Variants in CPA6 observed in about 807,000 individuals in gnomAD.
CPA6 encodes the protein carboxypeptidase B.
Under a neutral mutation model 63.3 loss-of-function variants are expected in CPA6, and 58 were observed. The ratio of observed to expected loss-of-function variants is 0.92; its 90% confidence interval spans 0.74 to 1.14. The LOEUF (loss-of-function observed/expected upper bound fraction) is 1.14, where lower values mean the gene tolerates loss of function less well. Ranked by LOEUF, CPA6 falls within the 50% of genes most tolerant of loss-of-function variation. The pLI, the probability that CPA6 is intolerant of heterozygous loss-of-function variation, is 0.00. For missense variants in CPA6, 565 were observed against 526.6 expected (o/e 1.07, Z -0.71); for synonymous variants, 185 against 179.0 (o/e 1.03, Z -0.27).
At chr8:67,429,410 A>G (rs1422073015) in intron 9 of CPA6, among the ~76,000 whole-genome samples, 4 of 152,196 alleles carry the variant, frequency 2.6e-5, no homozygotes, top group Admixed American at 6.5e-5. Context: ...CTTATGAATA[A>G]TTTAATACTT....
At chr8:67,613,882 CAG>C (rs750695791) in intron 2 of CPA6, among the ~76,000 whole-genome samples, 32 of 149,964 alleles carry the variant, frequency 2.1e-4, no homozygotes, top group African/African-American at 3.2e-4. Context: ...AATGATGCGG[CAG>C]AGAGAGAGAG....
At position 67,546,169 on chromosome 8, in the gene CPA6, G is replaced by A. The variant is rs561144130; in HGVS notation, c.193-28122C>T. ...AGGCTTATACAATGTGGGGTCTAAT[G>A]TAAGAAAAAGAGTACACAATTATGA... is the stretch of plus-strand genomic sequence containing the variant. On this transcript the variant is annotated intron_variant, in intron 2 of 10. Transcript: ENST00000297770. Among the ~76,000 whole-genome samples the A allele has an allele frequency of 1.1e-4, 17 of 152,252 alleles. No individual in the cohort carries two copies. In the South Asian group the frequency reaches 2.9e-3, roughly 26 times the overall value.
intron 1 of CPA6, among the ~76,000 whole-genome samples, chr8:67,644,256 C>T (rs1402262772): frequency 1.3e-5 from 2 of 152,074 alleles, no homozygotes; most frequent in African/African-American, 4.8e-5. Context: ...GCAGCTGGGA[C>T]TACAGGCGCC....
At chr8:67,643,459 G>A (rs1815640489) in intron 1 of CPA6, among the ~76,000 whole-genome samples, 1 of 152,078 alleles carries the variant, frequency 6.6e-6, no homozygotes, top group Non-Finnish European at 1.5e-5. Context: ...ATTAAAACAA[G>A]TCACAGAAGA....
At chr8:67,719,450 G>A (rs1470032006) in intron 1 of CPA6, among the ~76,000 whole-genome samples, 4 of 152,094 alleles carry the variant, frequency 2.6e-5, no homozygotes, top group African/African-American at 4.8e-5. Flanking sequence ...AAAATTAAAG[G>A]GGAAAGGCAA....
intron 2 of CPA6, among the ~76,000 whole-genome samples, chr8:67,585,161 G>C (rs766700176): frequency 2.0e-5 from 3 of 151,946 alleles, no homozygotes; most frequent in Non-Finnish European, 2.9e-5. Flanking sequence ...AAGTAGTCTC[G>C]TTTGAAGCTT....
At chr8:67,552,579 C>G (rs1395431588) in intron 2 of CPA6, among the ~76,000 whole-genome samples, 8 of 151,736 alleles carry the variant, frequency 5.3e-5, no homozygotes, top group Non-Finnish European at 1.2e-4. Flanking sequence ...CAAGACCATC[C>G]TGGCTAACAC....
intron 2 of CPA6, among the ~76,000 whole-genome samples, chr8:67,567,375 G>A (rs546630301): frequency 6.6e-6 from 1 of 152,316 alleles, no homozygotes; most frequent in Non-Finnish European, 1.5e-5. Context: ...TTTGTATTGA[G>A]CTACATAATG....
intron 2 of CPA6, among the ~76,000 whole-genome samples, chr8:67,559,451 C>T (rs117301340): frequency 0.011 from 1,701 of 152,250 alleles, 16 homozygotes; most frequent in Non-Finnish European, 0.018. Context: ...GCCTGCCACA[C>T]ACCCCTGCAC....
At chr8:67,632,665 T>C (rs1162953178) in intron 1 of CPA6, among the ~76,000 whole-genome samples, 1 of 152,174 alleles carries the variant, frequency 6.6e-6, no homozygotes, top group Non-Finnish European at 1.5e-5. Flanking sequence ...TAGTTGACAA[T>C]TGAGTTTTTA....
intron 1 of CPA6, among the ~76,000 whole-genome samples, chr8:67,638,192 C>A (rs1815513383): frequency 2.6e-5 from 4 of 151,290 alleles, no homozygotes; most frequent in Non-Finnish European, 4.4e-5. Context: ...GGTGGGAATT[C>A]AGACCACAGA....
intron 1 of CPA6, among the ~76,000 whole-genome samples, chr8:67,703,992 A>T (rs1307954899): frequency 6.6e-6 from 1 of 151,972 alleles, no homozygotes; most frequent in African/African-American, 2.4e-5. Flanking sequence ...GAGGAAGGGA[A>T]ATTCTTTCCT....
intron 1 of CPA6, among the ~76,000 whole-genome samples, chr8:67,665,508 C>T (rs1816206886): frequency 6.6e-6 from 1 of 152,210 alleles, no homozygotes; most frequent in Non-Finnish European, 1.5e-5. Context: ...CATAACTATT[C>T]TGAAAATTCT....
chr8:67,475,817 C>CTTTCTTTCCTTT (rs1554666491), intron 8 of CPA6, among the ~76,000 whole-genome samples: 19 of 31,510 alleles, frequency 6.0e-4, no homozygotes, highest in African/African-American at 2.5e-3. Flanking sequence ...TTCTTTCTTT[C>CTTTCTTTCCTTT]CTTTCTTTTC....
At chr8:67,654,856 G>C (rs371083105) in intron 1 of CPA6, among the ~76,000 whole-genome samples, 23 of 152,228 alleles carry the variant, frequency 1.5e-4, no homozygotes, top group East Asian at 7.7e-4. Context: ...TACGATGATA[G>C]GTGGCCAGAT....
At chr8:67,442,070 AT>A (rs1221838134) in intron 8 of CPA6, among the ~76,000 whole-genome samples, 1 of 152,204 alleles carries the variant, frequency 6.6e-6, no homozygotes, top group Non-Finnish European at 1.5e-5. Context: ...GAGCAAGGAA[AT>A]ATAAAGAAAC....
intron 2 of CPA6, among the ~76,000 whole-genome samples, chr8:67,607,217 TTCTTCTTCTTC>T (rs1814679354): frequency 8.8e-6 from 1 of 113,514 alleles, no homozygotes; most frequent in Non-Finnish European, 1.8e-5. Flanking sequence ...CTTCTTCTTC[TTCTTCTTCTTC>T]TTCTTCTTCT....
In CPA6 at chr8:67,552,769, T is replaced by C. The variant is rs565840987; in HGVS notation, c.193-34722A>G. Reference sequence around the variant, plus strand: ...TCCAGCCTGGGTGACAGAGCAAGACTGTCTCAAAAAAAAAAAAAAAAAAAA... The same window carrying C: ...TCCAGCCTGGGTGACAGAGCAAGACCGTCTCAAAAAAAAAAAAAAAAAAAA... On this transcript the variant is annotated intron_variant, in intron 2 of 10. Coordinates refer to ENST00000297770, the MANE Select transcript of CPA6 (RefSeq NM_020361.5). 1.5e-3 allele frequency among the ~76,000 whole-genome samples: 84 copies of C among 56,264 alleles called. 1 individual carries two copies. Among genetic ancestry groups the C allele is most frequent in the South Asian group, 6.0e-3 (10 of 1,676 alleles). The allele number at this position is 56,264 out of a possible 152,430, so 36.9% of individuals were successfully genotyped here.
chr8:67,647,617 G>A (rs1360459866), intron 1 of CPA6, among the ~76,000 whole-genome samples: 4 of 152,156 alleles, frequency 2.6e-5, no homozygotes, highest in African/African-American at 9.7e-5. Context: ...TCTCTCAATT[G>A]TCTCCCAAAG....
Sources: gnomAD v4.1 joint callset for allele counts (sites outside exome capture counted in the v4.1 genomes callset) on GRCh38, gnomAD v4.1.1 for gene constraint, MANE v1.5 for transcripts, NCBI Gene and HGNC (gene_info 2026-07-23, HGNC 2026-07-21) for gene names.